The following GAS7 variants were observed in gnomAD, a reference collection of about 807,000 sequenced individuals.
The protein encoded by GAS7 is growth arrest-specific protein 7.
In GAS7, 28 loss-of-function variants were observed where a neutral mutation model predicts 71.1. That is an observed-to-expected ratio of 0.39 (90% CI 0.29 to 0.54). The LOEUF (loss-of-function observed/expected upper bound fraction) is 0.54, where lower values mean the gene tolerates loss of function less well. Ranked by LOEUF, GAS7 falls within the 20% of genes least tolerant of loss-of-function variation. The pLI, the probability that GAS7 is intolerant of heterozygous loss-of-function variation, is 0.62. For synonymous variants in GAS7, 258 were observed against 245.8 expected, an observed-to-expected ratio of 1.05 and a Z score of -0.46; for missense variants, 436 against 627.8, an observed-to-expected ratio of 0.69 and a Z score of 3.27.
At chr17:10,133,497 C>T (rs2074015142) in intron 1 of GAS7, among the ~76,000 whole-genome samples, 1 of 152,140 alleles carries the variant, frequency 6.6e-6, no homozygotes. Context: ...TGTACATACA[C>T]TGTGGAGTGG....
At chr17:10,110,076 T>TA (rs2073796387) in intron 1 of GAS7, among the ~76,000 whole-genome samples, 1 of 141,498 alleles carries the variant, frequency 7.1e-6, no homozygotes, top group East Asian at 2.2e-4. Flanking sequence ...AAAAAAAAGA[T>TA]ATCAAAGAGA....
chr17:10,138,617 A>T (rs1471126720), intron 1 of GAS7, among the ~76,000 whole-genome samples: 2 of 152,076 alleles, frequency 1.3e-5, no homozygotes, highest in African/African-American at 4.8e-5. Flanking sequence ...TACAAAAAAA[A>T]TTAGCCAGGC....
At position 9,919,285 on chromosome 17, in the gene GAS7, C is replaced by A. The variant is rs1159620411; in HGVS notation, c.1218+341G>T. On this transcript the variant is annotated intron_variant, in intron 12 of 13. Transcript: ENST00000432992. This position sits in a 1 kb window ranked among gnomAD's most constrained non-coding sequence, Gnocchi z 5.0. ...GTGTGTGTGCATGTGTGGGGCGGTCCTCTCTTCCTATAGCTTGGCTATTTT... is the reference window on the plus strand; with the variant it reads ...GTGTGTGTGCATGTGTGGGGCGGTCATCTCTTCCTATAGCTTGGCTATTTT... Among the ~76,000 whole-genome samples the A allele has an allele frequency of 6.6e-6, 1 of 152,044 alleles. No homozygotes were observed. The highest frequency in any genetic ancestry group is 1.9e-4 in the East Asian group (1 of 5,176).
In GAS7 at chr17:10,118,096, C is replaced by A. The variant is rs376279882; in HGVS notation, c.183+80112G>T. The stretch of plus-strand genomic sequence containing the variant: ...TTTCCCCGAGGGTAACAGGCAGCAC[C>A]AGGACCCTGTTGCTCTCCAGGGCGT... On this transcript the variant is annotated intron_variant, in intron 1 of 13. Coordinates refer to ENST00000432992, the MANE Select transcript of GAS7 (RefSeq NM_201433.2). 1.2e-3 allele frequency among the ~76,000 whole-genome samples: 185 copies of A among 152,232 alleles called. 7 individuals carry two copies. In the South Asian group the frequency reaches 0.02, roughly 17 times the overall value.
At chr17:10,164,679 T>C (rs1378020481) in intron 1 of GAS7, among the ~76,000 whole-genome samples, 1 of 150,250 alleles carries the variant, frequency 6.7e-6, no homozygotes, top group Non-Finnish European at 1.5e-5. Flanking sequence ...TCATCTCTCT[T>C]TAAAAATGAA....
chr17:10,189,454 G>C (rs1439185373), intron 1 of GAS7, among the ~76,000 whole-genome samples: 2 of 152,084 alleles, frequency 1.3e-5, no homozygotes, highest in Admixed American at 6.6e-5. Flanking sequence ...CTTTTCCACT[G>C]CATTTAGAAA....
At position 9,950,323 on chromosome 17, in the gene GAS7, C is replaced by T. The variant is rs568778133; in HGVS notation, c.526-3340G>A. 6.7e-4 allele frequency among the ~76,000 whole-genome samples: 102 copies of T among 152,064 alleles called. 1 individual carries two copies. Among genetic ancestry groups the T allele is most frequent in the Non-Finnish European group, 1.3e-3 (91 of 68,020 alleles). On this transcript the variant is annotated intron_variant, in intron 5 of 13. Coordinates refer to ENST00000432992, the MANE Select transcript of GAS7 (RefSeq NM_201433.2). ...AGGAGTTCAAGACCAGCCTGGGCAA[C>T]ATAGCACAACCTTGTCTCTACAAAA... is the stretch of plus-strand genomic sequence containing the variant.
chr17:9,968,552 T>A (rs2069818563), intron 4 of GAS7, among the ~76,000 whole-genome samples: 1 of 152,238 alleles, frequency 6.6e-6, no homozygotes, highest in African/African-American at 2.4e-5. Context: ...AACGACTTAA[T>A]AACGTTCCCC....
At chr17:10,021,910 TGTCCA>T (rs1254034759) in intron 1 of GAS7, among the ~76,000 whole-genome samples, 3 of 152,178 alleles carry the variant, frequency 2.0e-5, no homozygotes, top group Non-Finnish European at 4.4e-5. Flanking sequence ...ATGAACATTC[TGTCCA>T]ATAGGATTAG....
intron 1 of GAS7, among the ~76,000 whole-genome samples, chr17:10,056,791 T>C (rs965469257): frequency 6.0e-5 from 9 of 150,618 alleles, no homozygotes; most frequent in African/African-American, 2.2e-4. Context: ...TCCCTCTCTT[T>C]CCACGGTCTC....
At chr17:10,003,089 G>GA (rs1413488933) in intron 2 of GAS7, among the ~76,000 whole-genome samples, 1 of 152,168 alleles carries the variant, frequency 6.6e-6, no homozygotes, top group Non-Finnish European at 1.5e-5. Flanking sequence ...TCTTTTGTGG[G>GA]ACACAACTCA....
chr17:10,168,001 TCACTACATCA>T (rs1272923864), intron 1 of GAS7, among the ~76,000 whole-genome samples: 2 of 152,110 alleles, frequency 1.3e-5, no homozygotes, highest in African/African-American at 4.8e-5. Context: ...ACCTGGCCTC[TCACTACATCA>T]TGTTGCCCAG....
At chr17:10,022,271 A>G (rs2072299500) in intron 1 of GAS7, among the ~76,000 whole-genome samples, 1 of 152,164 alleles carries the variant, frequency 6.6e-6, no homozygotes, top group Non-Finnish European at 1.5e-5. Flanking sequence ...AGAACAAAAA[A>G]ATACAACTAC....
intron 3 of GAS7, among the ~76,000 whole-genome samples, chr17:9,972,624 G>A (rs1250120702): frequency 8.4e-6 from 1 of 119,522 alleles, no homozygotes; most frequent in Non-Finnish European, 1.9e-5. Flanking sequence ...GGAAGCCCTG[G>A]AACATGTAAA....
chr17:10,159,607 A>T (rs2074235730), intron 1 of GAS7, among the ~76,000 whole-genome samples: 1 of 152,136 alleles, frequency 6.6e-6, no homozygotes, highest in African/African-American at 2.4e-5. Flanking sequence ...AAAATTTAAA[A>T]CCAAGCAAAA....
chr17:10,047,521 A>G (rs1428786315), intron 1 of GAS7, among the ~76,000 whole-genome samples: 3 of 152,188 alleles, frequency 2.0e-5, no homozygotes, highest in African/African-American at 7.2e-5. Flanking sequence ...ATGCATAAAG[A>G]GGGGAAATAT....
intron 1 of GAS7, among the ~76,000 whole-genome samples, chr17:10,185,268 G>C (rs2074443786): frequency 6.6e-6 from 1 of 152,156 alleles, no homozygotes; most frequent in South Asian, 2.1e-4. Flanking sequence ...CTGGGTTGCT[G>C]AACACATGGA....
intron 1 of GAS7, among the ~76,000 whole-genome samples, chr17:10,170,835 C>T (rs1279521062): frequency 6.6e-6 from 1 of 152,240 alleles, no homozygotes; most frequent in Non-Finnish European, 1.5e-5. Context: ...CTTACATCTT[C>T]TGCCCAGCAG....
chr17:10,076,065 G>A (rs1422476822), intron 1 of GAS7, among the ~76,000 whole-genome samples: 1 of 145,828 alleles, frequency 6.9e-6, no homozygotes, highest in Non-Finnish European at 1.5e-5. Flanking sequence ...ATGCACTATT[G>A]TACTCCAGCC....
Sources: allele counts gnomAD v4.1 joint callset (sites outside exome capture counted in the v4.1 genomes callset), GRCh38; gene constraint gnomAD v4.1.1; non-coding constraint Gnocchi (gnomAD v3.1); transcripts MANE v1.5; gene names NCBI Gene and HGNC (gene_info 2026-07-23, HGNC 2026-07-21).